AFTPH: variants seen among roughly 807,000 people sequenced by gnomAD.
The protein encoded by AFTPH is aftiphilin, also known as aftiphilin protein.
A neutral mutation model predicts 72.5 loss-of-function variants in AFTPH; 7 were observed. The ratio of observed to expected loss-of-function variants is 0.10; its 90% CI spans 0.05 to 0.18. The LOEUF is 0.18. Ranked by LOEUF, AFTPH falls within the 10% of genes least tolerant of loss-of-function variation. AFTPH has a pLI of 1.00. For synonymous variants in AFTPH, 337 were observed against 370.1 expected (o/e 0.91, Z 1.03); for missense variants, 979 against 1,060.5 (o/e 0.92, Z 1.07).
At chr2:64,525,382 G>C (rs778825588) in intron 1 of AFTPH, 10 of 154,092 alleles carry the variant, frequency 6.5e-5, no homozygotes, top group Non-Finnish European at 1.3e-4. Flanking sequence ...TTTCCTTGTT[G>C]CTTTGTGCAA....
chr2:64,592,104 C>A, exon 9 of AFTPH: 12 of 1,277,872 alleles, frequency 9.4e-6, no homozygotes, highest in Non-Finnish European at 1.1e-5. Context: ...CAAAAGCATA[C>A]CTGCTCTAAT....
intron 7 of AFTPH, among the ~76,000 whole-genome samples, chr2:64,585,071 A>G (rs1179147211): frequency 2.0e-5 from 3 of 152,238 alleles, no homozygotes; most frequent in African/African-American, 7.2e-5. Flanking sequence ...TGTGCATTCT[A>G]TTTATAAAAC....
chr2:64,531,026 C>T (rs1669597711), intron 1 of AFTPH, among the ~76,000 whole-genome samples: 1 of 142,680 alleles, frequency 7.0e-6, no homozygotes, highest in Non-Finnish European at 1.5e-5. Flanking sequence ...CACACCACTG[C>T]ACTCCAGTCT....
intron 4 of AFTPH, 37 bp downstream of exon 4, chr2:64,569,255 A>G (rs1194369192): frequency 6.3e-7 from 1 of 1,576,404 alleles, no homozygotes; most frequent in South Asian, 1.2e-5. Flanking sequence ...CTTTTAATCA[A>G]CCTGTGGATG....
At chr2:64,527,894 T>C (rs551231831) in intron 1 of AFTPH, among the ~76,000 whole-genome samples, 1 of 152,150 alleles carries the variant, frequency 6.6e-6, no homozygotes, top group Non-Finnish European at 1.5e-5. Context: ...GGGTAGGGGC[T>C]CATAGGTCTG....
intron 1 of AFTPH, among the ~76,000 whole-genome samples, chr2:64,535,109 CATAAG>C (rs1168362646): frequency 6.6e-6 from 1 of 152,104 alleles, no homozygotes; most frequent in Admixed American, 6.5e-5. Context: ...ACAACCAAAT[CATAAG>C]AGAAAACATT....
intron 1 of AFTPH, among the ~76,000 whole-genome samples, chr2:64,549,626 C>G (rs1052171672): frequency 5.9e-5 from 9 of 151,970 alleles, no homozygotes; most frequent in Non-Finnish European, 1.2e-4. Flanking sequence ...AATGTTAAAT[C>G]TGACCTGTGG....
At chr2:64,584,804 G>A (rs1471410824) in intron 7 of AFTPH, among the ~76,000 whole-genome samples, 1 of 152,066 alleles carries the variant, frequency 6.6e-6, no homozygotes, top group Admixed American at 6.5e-5. Flanking sequence ...CACCGTTTTA[G>A]CCAGGACGGT....
chr2:64,581,083 T>C (rs949483169), intron 7 of AFTPH, 107 bp from the exon 8 acceptor site: 96 of 657,812 alleles, frequency 1.5e-4, no homozygotes, highest in Admixed American at 3.2e-5. Flanking sequence ...TTACTAATTA[T>C]AACCTGCATG....
chr2:64,592,151 T>C, exon 9 of AFTPH: 2 of 1,141,882 alleles, frequency 1.8e-6, no homozygotes, highest in Admixed American at 5.1e-5. Flanking sequence ...GTTCAGCTGA[T>C]TTGTTGGTAA....
rs55774717 is a variant in AFTPH, at chr2:64,576,074, TACACACACACACACACAC to T, written c.2394+3033_2394+3050del. 7.4e-3 allele frequency among the ~76,000 whole-genome samples: 943 copies of T among 127,754 alleles called. 17 individuals carry two copies. Among genetic ancestry groups the T allele is most frequent in the African/African-American group, 0.022 (772 of 35,710 alleles). The allele number at this position is 127,754 out of a possible 152,430, so 83.8% of individuals were successfully genotyped here. A position where few individuals can be genotyped will look rare whatever the true frequency, so the allele number is the denominator to read the frequency against. On this transcript the variant is annotated intron_variant, in intron 6 of 8. Transcript: ENST00000238856. The stretch of plus-strand genomic sequence containing the variant: ...TTCTTACCACTCTTCTTTGGCATGC[TACACACACACACACACAC>T]ACACACACACACACACACACACACA...
intron 6 of AFTPH, among the ~76,000 whole-genome samples, chr2:64,575,618 A>G (rs1672716538): frequency 6.6e-6 from 1 of 151,026 alleles, no homozygotes; most frequent in Admixed American, 6.6e-5. Context: ...CCCTGCCTCG[A>G]AAAAAAAAAT....
chr2:64,527,356 A>G (rs1669338421), intron 1 of AFTPH, among the ~76,000 whole-genome samples: 1 of 152,184 alleles, frequency 6.6e-6, no homozygotes, highest in African/African-American at 2.4e-5. Context: ...CGGGGTGGGC[A>G]GATCACCTGA....
chr2:64,572,394 T>C (rs571841972), intron 5 of AFTPH, among the ~76,000 whole-genome samples: 1 of 152,290 alleles, frequency 6.6e-6, no homozygotes, highest in East Asian at 1.9e-4. Context: ...AGGATATAGA[T>C]GTCATATTAT....
chr2:64,549,308 C>CTTTTTT lies in AFTPH; in HGVS notation c.-32-2110_-32-2105dup, dbSNP rs34951706. Reference sequence around the variant, plus strand: ...CTAGGACTTTGGCTGTTAGTCCTCCCTTTTTTTTTTTTTTTTTTTTTTTTT... The same window carrying CTTTTTT: ...CTAGGACTTTGGCTGTTAGTCCTCCCTTTTTTTTTTTTTTTTTTTTTTTTTTTTTTT... On this transcript the variant is annotated intron_variant, in intron 1 of 8. Coordinates refer to ENST00000238856, the Ensembl canonical transcript of AFTPH. Among the ~76,000 whole-genome samples, 120 of 56,034 alleles carry CTTTTTT rather than the reference C, an allele frequency of 2.1e-3. 7 individuals are homozygous for CTTTTTT. The highest frequency in any genetic ancestry group is 7.1e-3 in the African/African-American group (117 of 16,400). The allele number at this position is 56,034 out of a possible 152,430, so 36.8% of individuals were successfully genotyped here. A position where few individuals can be genotyped will look rare whatever the true frequency, so the allele number is the denominator to read the frequency against.
chr2:64,581,298 T>C, intron 7 of AFTPH, 25 bp downstream of exon 8: 3 of 1,547,920 alleles, frequency 1.9e-6, no homozygotes, highest in Non-Finnish European at 2.6e-6. Flanking sequence ...AAAACCACAA[T>C]TCCAGTTTAT....
In AFTPH at chr2:64,576,770, G is replaced by A. The variant is rs193097857; in HGVS notation, c.2395-2716G>A. On this transcript the variant is annotated intron_variant, in intron 6 of 8. Transcript: ENST00000238856. ...GTTCCATGCTCACTTTTTTTTTGTT[G>A]TTTTTGAAACAAGAGTTTTGCTCTG... 2.0e-3 allele frequency among the ~76,000 whole-genome samples: 296 copies of A among 150,968 alleles called. 4 individuals carry two copies. Among genetic ancestry groups the A allele is most frequent in the African/African-American group, 6.6e-3 (272 of 41,186 alleles).
At chr2:64,560,250 C>T (rs1671639405) in intron 2 of AFTPH, among the ~76,000 whole-genome samples, 1 of 152,012 alleles carries the variant, frequency 6.6e-6, no homozygotes, top group Admixed American at 6.6e-5. Flanking sequence ...TTCCACTACC[C>T]CGAGACATAA....
At chr2:64,585,004 G>A (rs1009757744) in intron 7 of AFTPH, among the ~76,000 whole-genome samples, 2 of 152,146 alleles carry the variant, frequency 1.3e-5, no homozygotes, top group African/African-American at 4.8e-5. Context: ...AGGAGGTGAG[G>A]AAACAGGAAA....
Sources: allele counts gnomAD v4.1 joint callset (sites outside exome capture counted in the v4.1 genomes callset), GRCh38; gene constraint gnomAD v4.1.1; transcripts MANE v1.5; gene names NCBI Gene and HGNC (gene_info 2026-07-23, HGNC 2026-07-21).